The following BRD1 variants were observed in gnomAD, a reference collection of about 807,000 sequenced individuals.
BRD1 encodes bromodomain containing 1, also known as bromodomain-containing protein 1.
BRD1 carries 24 observed loss-of-function variants against 107.7 expected under a neutral mutation model. The ratio of observed to expected loss-of-function variants is 0.22; its 90% CI spans 0.16 to 0.31. The LOEUF is 0.31. BRD1 is among the 10% of genes least tolerant of loss of function. The probability of loss-of-function intolerance (pLI) is 1.00; values close to 1 mark genes in which losing one functional copy is unlikely to be tolerated. For missense variants in BRD1, 1,279 were observed against 1,638.6 expected (o/e 0.78, Z 3.79); for synonymous variants, 744 against 686.1 (o/e 1.08, Z -1.32).
At position 49,787,435 on chromosome 22, in the gene BRD1, C is replaced by T. The variant is rs1157518201; in HGVS notation, c.2812G>A (p.Asp938Asn). 6.2e-7 allele frequency: 1 copy of T among 1,614,170 alleles called. No individual in the cohort carries two copies. Among genetic ancestry groups the T allele is most frequent in the East Asian group, 2.2e-5 (1 of 44,870 alleles). The change falls in exon 8 of 13, where the codon GAC (aspartate) becomes AAC (asparagine). Residue 938 changes from aspartate (D) to asparagine (N), a missense_variant. This residue lies in a region of BRD1 where 263 missense variants were observed against 251.6 expected (regional missense o/e 1.05). Coordinates refer to ENST00000404760, the MANE Select transcript of BRD1 (RefSeq NM_001304808.3). ...GGGGACTCCTCCTCCACCTCGGAGTCTCCGCATGTGCTCCGCGACCTTTTC... is the reference window on the plus strand; with the variant it reads ...GGGGACTCCTCCTCCACCTCGGAGTTTCCGCATGTGCTCCGCGACCTTTTC... ...PRKRSRSTCGDSEVEEESPGK... is the reference protein window; with the variant it reads ...PRKRSRSTCGNSEVEEESPGK...
intron 2 of BRD1, among the ~76,000 whole-genome samples, chr22:49,820,143 G>GA (rs201518351): frequency 2.0e-5 from 3 of 151,538 alleles, no homozygotes; most frequent in South Asian, 4.2e-4. Context: ...AAAAAGGGGG[G>GA]AAAAAAAAGA....
chr22:49,781,898 C>A (rs1249734991), intron 8 of BRD1, among the ~76,000 whole-genome samples: 1 of 151,574 alleles, frequency 6.6e-6, no homozygotes, highest in Admixed American at 6.6e-5. Flanking sequence ...ACAATGCAGC[C>A]GGGGACGGTC....
At chr22:49,787,299 A>AG in intron 8 of BRD1, 91 bp downstream of exon 8, 1 of 544,640 alleles carries the variant, frequency 1.8e-6, no homozygotes, top group South Asian at 1.9e-5. Flanking sequence ...GAAGCTGGAC[A>AG]CCCCCCCCCC....
chr22:49,795,889 G>A (rs2059521484), intron 6 of BRD1, among the ~76,000 whole-genome samples: 1 of 152,198 alleles, frequency 6.6e-6, no homozygotes. Flanking sequence ...AGGTCCCCAA[G>A]GGAATGTTTC....
chr22:49,777,663 G>A lies in BRD1; in HGVS notation c.2993+15C>T. ...GGGAGCTGCGTGGTGGGAAGCGCAG[G>A]GCCGCGGTGCCCACCTCGAGTCGCA... On this transcript the variant is annotated intron_variant, in intron 9 of 12. Transcript: ENST00000404760. The A allele has an allele frequency of 6.2e-7, 1 of 1,601,040 alleles. No individual in the cohort carries two copies. Among genetic ancestry groups the A allele is most frequent in the Non-Finnish European group, 8.5e-7 (1 of 1,175,930 alleles).
At chr22:49,788,098 G>A (rs2059364508) in intron 7 of BRD1, among the ~76,000 whole-genome samples, 1 of 152,210 alleles carries the variant, frequency 6.6e-6, no homozygotes, top group Admixed American at 6.5e-5. Context: ...CCTGGGTGCA[G>A]TGCCCAGGCA....
At chr22:49,797,270 T>C (rs904037830) in intron 6 of BRD1, among the ~76,000 whole-genome samples, 3 of 152,234 alleles carry the variant, frequency 2.0e-5, no homozygotes. Flanking sequence ...CCCAGAGCCC[T>C]TTCTACAACA....
Position 49,792,025 on chromosome 22 carries a change from G to C in BRD1, c.2359+2009C>G, listed in dbSNP as rs1569103529. 6.6e-6 allele frequency among the ~76,000 whole-genome samples: 1 copy of C among 152,140 alleles called. No individual in the cohort carries two copies. Among genetic ancestry groups the C allele is most frequent in the African/African-American group, 2.4e-5 (1 of 41,412 alleles). ...CTCCAAAGGCTCCTGCTAAGCGTTG[G>C]GTGTTATGAGGAGCCACGCTCACCA... On this transcript the variant is annotated intron_variant, in intron 7 of 12. Transcript: ENST00000404760. The surrounding 1 kb of genome is among the most constrained non-coding windows in gnomAD (Gnocchi z 4.2).
In BRD1 at chr22:49,798,177, A is replaced by G. The variant is rs74355149; in HGVS notation, c.1786-60T>C. Reference sequence around the variant, plus strand: ...CTAAAACAGGATATTAGTTGACTCTATATTTATTATTCCATATAACCCACA... The same window carrying G: ...CTAAAACAGGATATTAGTTGACTCTGTATTTATTATTCCATATAACCCACA... On this transcript the variant is annotated intron_variant, in intron 5 of 12. Coordinates refer to ENST00000404760, the MANE Select transcript of BRD1 (RefSeq NM_001304808.3). The G allele has an allele frequency of 5.6e-4, 807 of 1,447,760 alleles. 2 individuals are homozygous for G. The African/African-American group carries it at 9.4e-3, about 17-fold the overall frequency. The allele number at this position is 1,447,760 out of a possible 1,614,324, so 89.7% of individuals were successfully genotyped here. A position where few individuals can be genotyped will look rare whatever the true frequency, so the allele number is the denominator to read the frequency against.
intron 1 of BRD1, chr22:49,825,701 G>A (rs2060139492): frequency 6.6e-6 from 1 of 152,284 alleles, no homozygotes; most frequent in African/African-American, 2.4e-5. Flanking sequence ...GGGGCCCAGG[G>A]GGATCAGGGG....
intron 7 of BRD1, among the ~76,000 whole-genome samples, chr22:49,790,943 G>A (rs9628136): frequency 0.05 from 7,591 of 152,310 alleles, 558 homozygotes; most frequent in African/African-American, 0.16. Flanking sequence ...CTCTGGCAAG[G>A]GCATCACTGT....
At chr22:49,795,710 C>T (rs1212548897) in intron 6 of BRD1, among the ~76,000 whole-genome samples, 2 of 152,188 alleles carry the variant, frequency 1.3e-5, no homozygotes, top group East Asian at 1.9e-4. Flanking sequence ...ACCAGGTGGG[C>T]GTCTGAGAGC....
intron 2 of BRD1, among the ~76,000 whole-genome samples, chr22:49,821,974 G>C (rs1201868274): frequency 6.6e-6 from 1 of 152,252 alleles, no homozygotes; most frequent in Non-Finnish European, 1.5e-5. Context: ...CAAGTGGGGG[G>C]CACAGCACGG....
chr22:49,800,214 A>G (rs2059615709), intron 3 of BRD1, among the ~76,000 whole-genome samples: 1 of 152,148 alleles, frequency 6.6e-6, no homozygotes, highest in Admixed American at 6.5e-5. Context: ...CCCGGACTCC[A>G]AACTGCTCAG....
intron 8 of BRD1, among the ~76,000 whole-genome samples, chr22:49,782,691 G>C (rs998964144): frequency 1.3e-5 from 2 of 148,894 alleles, no homozygotes; most frequent in East Asian, 2.1e-4. Flanking sequence ...GATGGTCAGA[G>C]ACAGACCCAA....
rs558669249 is a variant in BRD1 at position 49,809,852 on chromosome 22, A to C, written c.1368-5492T>G. Among the ~76,000 whole-genome samples, 134 of 152,300 alleles carry C rather than the reference A, an allele frequency of 8.8e-4. 1 individual carries two copies. Among genetic ancestry groups the C allele is most frequent in the Non-Finnish European group, 1.4e-3 (98 of 68,032 alleles). On this transcript the variant is annotated intron_variant, in intron 2 of 12. Transcript: ENST00000404760. ...TGAGAACTGTTAAACCTACAAGCCT[A>C]ATGAAACCAATTCACGCAAAAATAA... is the stretch of plus-strand genomic sequence containing the variant.
rs187960118 is a variant in BRD1 at position 49,791,879 on chromosome 22, T to C, written c.2359+2155A>G. 2.1e-3 allele frequency among the ~76,000 whole-genome samples: 324 copies of C among 152,274 alleles called. 1 individual carries two copies. Among genetic ancestry groups the C allele is most frequent in the Non-Finnish European group, 2.1e-3 (146 of 68,016 alleles). On this transcript the variant is annotated intron_variant, in intron 7 of 12. Transcript: ENST00000404760. ...TTCATCAATTGAGTCATTGTGAACA[T>C]TGGGTGTAACAGGTGATTCGAGGCC... is the stretch of plus-strand genomic sequence containing the variant.
chr22:49,820,562 C>T (rs964941368), intron 2 of BRD1, among the ~76,000 whole-genome samples: 3 of 152,186 alleles, frequency 2.0e-5, no homozygotes, highest in African/African-American at 7.2e-5. Flanking sequence ...GCCATGATCA[C>T]GCCACTGCAC....
chr22:49,823,045 T>G lies in BRD1; in HGVS notation c.1273A>C (p.Lys425Gln). ...GCCTTTTTTGCCTTCTTCCTGACCT[T>G]GGATGTGGACCTGACCGTTTTAACC... is the stretch of plus-strand genomic sequence containing the variant. ...SSVKTVRSTS[K>Q]VRKKAKKAKK... is the part of the protein sequence containing the mutation. The change falls in exon 2 of 13, where the codon AAG becomes CAG. Residue 425 changes from lysine (K) to glutamine (Q), a missense_variant. Around this residue, in one of 7 missense-constraint regions of BRD1, gnomAD observed 87 missense variants for 77.1 expected, o/e 1.13. Coordinates refer to ENST00000404760, the MANE Select transcript of BRD1 (RefSeq NM_001304808.3). 2 of 1,614,254 alleles carry G rather than the reference T, an allele frequency of 1.2e-6. No homozygotes were observed. Among genetic ancestry groups the G allele is most frequent in the Non-Finnish European group, 8.5e-7 (1 of 1,180,054 alleles).
Sources: allele counts gnomAD v4.1 joint callset (sites outside exome capture counted in the v4.1 genomes callset), GRCh38; gene constraint gnomAD v4.1.1; regional missense constraint gnomAD v4.1.1; non-coding constraint Gnocchi (gnomAD v3.1); transcripts MANE v1.5; gene names NCBI Gene and HGNC (gene_info 2026-07-23, HGNC 2026-07-21).